The following DOCK3 variants were observed in gnomAD, a reference collection of about 807,000 sequenced individuals.
DOCK3 encodes dedicator of cytokinesis 3.
A neutral mutation model predicts 265.6 loss-of-function variants in DOCK3; 60 were observed. The ratio of observed to expected loss-of-function variants is 0.23; its 90% confidence interval spans 0.18 to 0.28. The LOEUF (loss-of-function observed/expected upper bound fraction) is 0.28, where lower values mean the gene tolerates loss of function less well. Among genes scored for constraint, DOCK3 ranks in the 10% least tolerant of loss-of-function variants. The probability of loss-of-function intolerance (pLI) is 1.00; values close to 1 mark genes in which losing one functional copy is unlikely to be tolerated. For synonymous variants in DOCK3, 881 were observed against 938.0 expected, an observed-to-expected ratio of 0.94 and a Z score of 1.11; for missense variants, 1,981 against 2,594.3, an observed-to-expected ratio of 0.76 and a Z score of 5.14.
intron 30 of DOCK3, 36 bp from the exon 31 acceptor site, chr3:51,312,808 C>G: frequency 1.3e-6 from 2 of 1,591,880 alleles, no homozygotes; most frequent in Non-Finnish European, 1.7e-6. Context: ...TGAACCTTCT[C>G]CCACTAACGG....
chr3:51,258,683 T>C (rs1414501310), intron 22 of DOCK3, among the ~76,000 whole-genome samples: 1 of 152,110 alleles, frequency 6.6e-6, no homozygotes, highest in East Asian at 1.9e-4. Context: ...ATCCTTTACC[T>C]ATAGGGATTC....
In DOCK3 at chr3:51,312,509, T is replaced by C; in HGVS notation, c.3127T>C (p.Phe1043Leu). 5 of 1,607,914 alleles carry C rather than the reference T, an allele frequency of 3.1e-6. No homozygotes were observed. Among genetic ancestry groups the C allele is most frequent in the Non-Finnish European group, 4.2e-6 (5 of 1,178,710 alleles). The change falls in exon 30 of 53, where the codon TTC becomes CTC. Residue 1043 changes from phenylalanine (F) to leucine (L), a missense_variant. Physicochemically the swap from Phe to Leu is conservative, Grantham distance 22. Transcript: ENST00000266037. ...TTCTTACTTTAGCCTGGCAGTTCTA[T>C]TCATAAATCAGCCAAGCCTTCAGCT... The part of the protein sequence containing the change: ...WNSYFSLAVL[F>L]INQPSLQLEI...
At chr3:51,334,424 T>G (rs1368491158) in intron 35 of DOCK3, among the ~76,000 whole-genome samples, 2 of 152,162 alleles carry the variant, frequency 1.3e-5, no homozygotes, top group African/African-American at 4.8e-5. Context: ...ATAGGAGAGT[T>G]AAGCCTGGAT....
intron 2 of DOCK3, among the ~76,000 whole-genome samples, chr3:50,825,097 G>C (rs939907105): frequency 6.6e-6 from 1 of 152,114 alleles, no homozygotes; most frequent in Admixed American, 6.5e-5. Context: ...ATTTCCCTCA[G>C]AGTAAGCTTA....
chr3:50,893,521 A>G (rs1404180843), intron 4 of DOCK3, among the ~76,000 whole-genome samples: 1 of 152,096 alleles, frequency 6.6e-6, no homozygotes, highest in Non-Finnish European at 1.5e-5. Context: ...TCTTGATCAA[A>G]TAGAGGAGCG....
intron 10 of DOCK3, among the ~76,000 whole-genome samples, chr3:51,154,400 A>G (rs894562347): frequency 2.6e-5 from 4 of 152,224 alleles, no homozygotes; most frequent in Non-Finnish European, 5.9e-5. Context: ...TGGGAAGATC[A>G]GCACTCTGTC....
intron 12 of DOCK3, among the ~76,000 whole-genome samples, chr3:51,180,653 A>G (rs1392383927): frequency 6.6e-6 from 1 of 152,110 alleles, no homozygotes; most frequent in African/African-American, 2.4e-5. Flanking sequence ...CCTTATCTCA[A>G]AATCCTTAAT....
chr3:51,206,279 ATTTG>A (rs756654892), intron 12 of DOCK3, among the ~76,000 whole-genome samples: 2 of 152,218 alleles, frequency 1.3e-5, no homozygotes, highest in South Asian at 2.1e-4. Context: ...TATTCCATTT[ATTTG>A]TTCAACAAAT....
intron 19 of DOCK3, among the ~76,000 whole-genome samples, chr3:51,232,011 T>C (rs117841679): frequency 6.6e-6 from 1 of 152,328 alleles, no homozygotes; most frequent in East Asian, 1.9e-4. Context: ...GGGAAGGAAA[T>C]TGTTAATTTC....
intron 2 of DOCK3, among the ~76,000 whole-genome samples, chr3:50,800,149 T>C (rs2042998885): frequency 6.6e-6 from 1 of 152,200 alleles, no homozygotes; most frequent in Admixed American, 6.5e-5. Flanking sequence ...TGGCATGTAG[T>C]TTTCTTTTCT....
intron 9 of DOCK3, among the ~76,000 whole-genome samples, chr3:51,145,464 G>A (rs140374188): frequency 6.6e-6 from 1 of 152,228 alleles, no homozygotes; most frequent in African/African-American, 2.4e-5. Flanking sequence ...CCACCTATGA[G>A]CTGTAACATT....
intron 12 of DOCK3, among the ~76,000 whole-genome samples, chr3:51,182,044 G>A (rs1019602298): frequency 1.2e-4 from 19 of 152,160 alleles, no homozygotes; most frequent in Admixed American, 1.2e-3. Flanking sequence ...AAAAAGCAAA[G>A]TCTGTTTTTT....
intron 5 of DOCK3, among the ~76,000 whole-genome samples, chr3:50,979,874 A>G (rs948663023): frequency 1.3e-5 from 2 of 152,106 alleles, no homozygotes; most frequent in South Asian, 2.1e-4. Flanking sequence ...AGCTTTTTCT[A>G]TATATGTAAG....
rs536171479 is a variant in DOCK3, at chr3:50,832,217, C to T, written c.122-9458C>T. On this transcript the variant is annotated intron_variant, in intron 2 of 52. Transcript: ENST00000266037. ...ACCTTATACAAAAATTAGCTCAAGA[C>T]GGATTAAAGACTTAAACGTAAGAAC... Among the ~76,000 whole-genome samples, 51 of 152,158 alleles carry T rather than the reference C, an allele frequency of 3.4e-4. No homozygotes were observed. The South Asian group carries it at 7.9e-3, about 23-fold the overall frequency.
chr3:51,028,018 C>A (rs1194370830), intron 5 of DOCK3, among the ~76,000 whole-genome samples: 1 of 152,080 alleles, frequency 6.6e-6, no homozygotes, highest in Non-Finnish European at 1.5e-5. Context: ...ATGGTAGTTG[C>A]TGTATAGGGT....
intron 38 of DOCK3, among the ~76,000 whole-genome samples, chr3:51,344,502 C>T (rs1415420867): frequency 1.3e-5 from 2 of 152,148 alleles, no homozygotes; most frequent in African/African-American, 4.8e-5. Context: ...TGCCTGTAGT[C>T]TCAGCTATTT....
chr3:50,709,252 A>G (rs2036603222), intron 1 of DOCK3, among the ~76,000 whole-genome samples: 1 of 152,206 alleles, frequency 6.6e-6, no homozygotes, highest in Non-Finnish European at 1.5e-5. Flanking sequence ...GTGTCCTGCA[A>G]CATTACTGAA....
chr3:51,291,151 A>G (rs1239315376), intron 27 of DOCK3, among the ~76,000 whole-genome samples: 1 of 152,208 alleles, frequency 6.6e-6, no homozygotes, highest in Non-Finnish European at 1.5e-5. Context: ...ATGTAGCAAA[A>G]GCAGCTCTGG....
At chr3:50,897,471 A>G (rs1202449968) in intron 4 of DOCK3, among the ~76,000 whole-genome samples, 1 of 152,078 alleles carries the variant, frequency 6.6e-6, no homozygotes, top group Non-Finnish European at 1.5e-5. Context: ...AATACCCTTT[A>G]TTTCTTTCTC....
Sources: allele counts gnomAD v4.1 joint callset (sites outside exome capture counted in the v4.1 genomes callset), GRCh38; gene constraint gnomAD v4.1.1; transcripts MANE v1.5; gene names NCBI Gene and HGNC (gene_info 2026-07-23, HGNC 2026-07-21).